Variants in CLYBL observed in about 807,000 individuals in gnomAD.
CLYBL encodes the protein citramalyl-CoA lyase, also known as citramalyl-CoA lyase, mitochondrial.
CLYBL carries 31 observed loss-of-function variants against 38.9 expected under a neutral mutation model. The observed-to-expected ratio is 0.80, with a 90% CI of 0.60 to 1.08. CLYBL has a LOEUF of 1.08. CLYBL is among the 50% of genes least tolerant of loss of function. The probability of loss-of-function intolerance (pLI) is 0.00; values close to 1 mark genes in which losing one functional copy is unlikely to be tolerated. For synonymous variants in CLYBL, 171 were observed against 158.6 expected, an observed-to-expected ratio of 1.08 and a Z score of -0.59; for missense variants, 434 against 411.6, an observed-to-expected ratio of 1.05 and a Z score of -0.47.
At chr13:99,793,740 T>C (rs1360590610) in intron 2 of CLYBL, among the ~76,000 whole-genome samples, 1 of 152,164 alleles carries the variant, frequency 6.6e-6, no homozygotes, top group African/African-American at 2.4e-5. Context: ...ATGCAGGCTT[T>C]AAATTGCCAG....
chr13:99,658,866 C>T (rs1415809191), intron 1 of CLYBL, among the ~76,000 whole-genome samples: 1 of 152,114 alleles, frequency 6.6e-6, no homozygotes, highest in African/African-American at 2.4e-5. Flanking sequence ...TTGCAAAGGA[C>T]TTGTAAAGCC....
At chr13:99,744,595 G>A (rs903349170) in intron 1 of CLYBL, among the ~76,000 whole-genome samples, 1 of 152,166 alleles carries the variant, frequency 6.6e-6, no homozygotes, top group Non-Finnish European at 1.5e-5. Context: ...TACAAGTGGA[G>A]AACGCCTAAT....
rs150318420 is a variant in CLYBL, at chr13:99,821,329, T to A, written c.250-37532T>A. Among the ~76,000 whole-genome samples, 749 of 152,356 alleles carry A rather than the reference T, an allele frequency of 4.9e-3. 18 individuals carry two copies. Among genetic ancestry groups the A allele is most frequent in the Admixed American group, 0.044 (677 of 15,302 alleles). On this transcript the variant is annotated intron_variant, in intron 2 of 8. Transcript: ENST00000339105. ...ATCAGGAACTTAATGTACTCATCTT[T>A]GGATGCCCAGCACCTAACCGTGCCT... is the stretch of plus-strand genomic sequence containing the variant.
At chr13:99,896,726 G>C (rs1411711665), downstream of CLYBL, 1 of 152,216 alleles carries the variant, frequency 6.6e-6, no homozygotes, top group African/African-American at 2.4e-5. Flanking sequence ...TAGCTTTTTG[G>C]TTATGAGTTT....
rs551824762 is a variant in CLYBL at position 99,787,015 on chromosome 13, T to G, written c.249+14005T>G. 4.6e-5 allele frequency among the ~76,000 whole-genome samples: 7 copies of G among 152,298 alleles called. No individual in the cohort carries two copies. The South Asian group carries it at 1.2e-3, about 27-fold the overall frequency. On this transcript the variant is annotated intron_variant, in intron 2 of 8. Coordinates refer to ENST00000339105, the MANE Select transcript of CLYBL (RefSeq NM_206808.5). Reference sequence around the variant, plus strand: ...CTGCATAAATGTCTTCTTTTGAGAATTGTCTGTTCACATCCTTCACCCACT... The same window carrying G: ...CTGCATAAATGTCTTCTTTTGAGAAGTGTCTGTTCACATCCTTCACCCACT...
At chr13:99,739,887 C>T (rs1162733661) in intron 1 of CLYBL, among the ~76,000 whole-genome samples, 1 of 152,072 alleles carries the variant, frequency 6.6e-6, no homozygotes, top group African/African-American at 2.4e-5. Flanking sequence ...GGCAGAATTG[C>T]TTGAACCCGG....
intron 6 of CLYBL, among the ~76,000 whole-genome samples, chr13:99,867,169 A>G (rs1253169419): frequency 6.6e-6 from 1 of 152,238 alleles, no homozygotes; most frequent in Non-Finnish European, 1.5e-5. Context: ...AACCATGGGA[A>G]AAACACAGTG....
intron 1 of CLYBL, among the ~76,000 whole-genome samples, chr13:99,658,466 G>T (rs547499995): frequency 1.3e-5 from 2 of 152,322 alleles, no homozygotes; most frequent in South Asian, 4.1e-4. Context: ...AAACCCCGAG[G>T]CTGCCGGGGA....
chr13:99,838,511 A>G (rs2139109920), intron 2 of CLYBL, among the ~76,000 whole-genome samples: 1 of 152,340 alleles, frequency 6.6e-6, no homozygotes, highest in South Asian at 2.1e-4. Context: ...TTCAAGGCAC[A>G]TAAAAATGGG....
At chr13:99,619,693 C>T (rs1387184438) in intron 1 of CLYBL, among the ~76,000 whole-genome samples, 1 of 152,104 alleles carries the variant, frequency 6.6e-6, no homozygotes, top group Non-Finnish European at 1.5e-5. Flanking sequence ...CGCAGTTGGC[C>T]CTTGACCTTG....
chr13:99,696,178 G>A (rs1175593131), intron 1 of CLYBL, among the ~76,000 whole-genome samples: 1 of 151,936 alleles, frequency 6.6e-6, no homozygotes, highest in African/African-American at 2.4e-5. Context: ...GCTAATAAAT[G>A]TGTGGACAAA....
intron 1 of CLYBL, among the ~76,000 whole-genome samples, chr13:99,698,507 G>A (rs1195589247): frequency 2.6e-5 from 4 of 152,122 alleles, no homozygotes; most frequent in Admixed American, 2.0e-4. Context: ...GTCATTTGAC[G>A]TGACAGAAAT....
chr13:99,857,798 G>A (rs1254957538), intron 2 of CLYBL, among the ~76,000 whole-genome samples: 1 of 152,072 alleles, frequency 6.6e-6, no homozygotes, highest in Non-Finnish European at 1.5e-5. Context: ...CTTTTCAAAT[G>A]GTTATATATT....
chr13:99,857,040 C>T (rs956481025), intron 2 of CLYBL, among the ~76,000 whole-genome samples: 3 of 151,922 alleles, frequency 2.0e-5, no homozygotes, highest in African/African-American at 2.4e-5. Context: ...TAGGGCCGGG[C>T]ACCGTGGCTC....
intron 2 of CLYBL, among the ~76,000 whole-genome samples, chr13:99,816,222 T>C (rs1260284890): frequency 6.6e-6 from 1 of 152,230 alleles, no homozygotes; most frequent in Non-Finnish European, 1.5e-5. Flanking sequence ...TAAGACTTGG[T>C]CATTTGTTCT....
rs2050941941 is a variant in CLYBL at position 99,836,647 on chromosome 13, CTA to C, written c.250-22212_250-22211del. On this transcript the variant is annotated intron_variant, in intron 2 of 8. Coordinates refer to ENST00000339105, the MANE Select transcript of CLYBL (RefSeq NM_206808.5). ...TGTTAAAATACTTATATGCACTTTC[CTA>C]TGTTTAAGCTTTTTCTATAAAAAGT... Among the ~76,000 whole-genome samples the C allele has an allele frequency of 2.6e-5, 4 of 152,276 alleles. No individual in the cohort carries two copies. The South Asian group carries it at 8.3e-4, about 32-fold the overall frequency.
At chr13:99,711,470 C>T (rs1362909523) in intron 1 of CLYBL, among the ~76,000 whole-genome samples, 4 of 135,868 alleles carry the variant, frequency 2.9e-5, no homozygotes, top group Non-Finnish European at 4.6e-5. Context: ...AGTGCAATGG[C>T]GCAATCTCGG....
At chr13:99,896,471 C>T (rs1186426915), downstream of CLYBL, 1 of 152,356 alleles carries the variant, frequency 6.6e-6, no homozygotes, top group African/African-American at 2.4e-5. Flanking sequence ...CCTGGGGTCC[C>T]TGCAGCCCCG....
chr13:99,792,238 T>TC (rs1198101044), intron 2 of CLYBL, among the ~76,000 whole-genome samples: 2 of 152,178 alleles, frequency 1.3e-5, no homozygotes, highest in East Asian at 3.9e-4. Flanking sequence ...TGAGGACAGT[T>TC]CAGAGCAAGT....
Sources: allele counts gnomAD v4.1 joint callset (sites outside exome capture counted in the v4.1 genomes callset), GRCh38; gene constraint gnomAD v4.1.1; transcripts MANE v1.5; gene names NCBI Gene and HGNC (gene_info 2026-07-23, HGNC 2026-07-21).